Variants in CTDSPL2 observed in about 807,000 individuals in gnomAD.
CTDSPL2 encodes the protein CTD small phosphatase like 2, also known as CTD small phosphatase-like protein 2.
In CTDSPL2, 5 loss-of-function variants were observed where a neutral mutation model predicts 60.0. The observed-to-expected ratio is 0.08, with a 90% CI of 0.04 to 0.18. The LOEUF (loss-of-function observed/expected upper bound fraction) is 0.18, where lower values mean the gene tolerates loss of function less well. CTDSPL2 is among the 10% of genes least tolerant of loss of function. The pLI is 1.00. For missense variants in CTDSPL2, 370 were observed against 548.8 expected, an observed-to-expected ratio of 0.67 and a Z score of 3.26; for synonymous variants, 186 against 189.3, an observed-to-expected ratio of 0.98 and a Z score of 0.14.
At position 44,457,344 on chromosome 15, in the gene CTDSPL2, C is replaced by T. The variant is rs191523152; in HGVS notation, c.-24-1647C>T. Among the ~76,000 whole-genome samples the T allele has an allele frequency of 4.5e-3, 682 of 152,330 alleles. 4 individuals are homozygous for T. Among genetic ancestry groups the T allele is most frequent in the African/African-American group, 0.016 (649 of 41,580 alleles). ...GGATAACTTGCCTCCACTTTTATAT[C>T]AGCACCTGCTGCTTCACCTCACCTT... is the stretch of plus-strand genomic sequence containing the variant. On this transcript the variant is annotated intron_variant, in intron 1 of 12. Coordinates refer to ENST00000260327, the MANE Select transcript of CTDSPL2 (RefSeq NM_016396.3).
chr15:44,436,046 G>A (rs1456106820), intron 1 of CTDSPL2, among the ~76,000 whole-genome samples: 1 of 152,110 alleles, frequency 6.6e-6, no homozygotes, highest in Non-Finnish European at 1.5e-5. Flanking sequence ...TGGAAGTAGT[G>A]GAGAGTAAAG....
intron 2 of CTDSPL2, among the ~76,000 whole-genome samples, chr15:44,475,360 C>T (rs778565860): frequency 1.3e-5 from 2 of 152,036 alleles, no homozygotes; most frequent in Non-Finnish European, 2.9e-5. Flanking sequence ...TTCTTCAGGC[C>T]GGGCGTGGTG....
chr15:44,435,256 C>CAAAA (rs35787192), intron 1 of CTDSPL2, among the ~76,000 whole-genome samples: 2 of 46,038 alleles, frequency 4.3e-5, no homozygotes, highest in Non-Finnish European at 4.8e-5. Flanking sequence ...GACTCCGTCT[C>CAAAA]AAAAAAAAAA....
At chr15:44,476,226 G>A (rs560919579) in intron 2 of CTDSPL2, among the ~76,000 whole-genome samples, 36 of 151,866 alleles carry the variant, frequency 2.4e-4, no homozygotes, top group Middle Eastern at 6.8e-3. Flanking sequence ...CCACCACCAC[G>A]CTGGCTAATT....
chr15:44,481,792 C>T (rs924366839), intron 2 of CTDSPL2, among the ~76,000 whole-genome samples: 3 of 152,152 alleles, frequency 2.0e-5, no homozygotes, highest in Non-Finnish European at 4.4e-5. Flanking sequence ...AGGCTGGTCC[C>T]GAACTCCCAA....
chr15:44,514,742 C>T lies in CTDSPL2; in HGVS notation c.1033-23C>T, dbSNP rs368158721. ...ATATTTAGACCATGTATAATGATTA[C>T]TTCTTTTCCCCTGAATTTATAGATC... On this transcript the variant is annotated intron_variant, in intron 9 of 12. Coordinates refer to ENST00000260327, the MANE Select transcript of CTDSPL2 (RefSeq NM_016396.3). 4 of 1,567,478 alleles carry T rather than the reference C, an allele frequency of 2.6e-6. No homozygotes were observed. The African/African-American group carries it at 5.4e-5, about 21-fold the overall frequency.
intron 1 of CTDSPL2, among the ~76,000 whole-genome samples, chr15:44,439,289 C>T (rs1415621437): frequency 1.3e-5 from 2 of 152,076 alleles, no homozygotes; most frequent in Middle Eastern, 3.4e-3. Context: ...GCTGGGACTA[C>T]AGGCACCCAC....
chr15:44,479,315 T>C (rs1383950135), intron 2 of CTDSPL2, among the ~76,000 whole-genome samples: 1 of 151,992 alleles, frequency 6.6e-6, no homozygotes, highest in African/African-American at 2.4e-5. Context: ...TCTTTATTTC[T>C]GAAATGATTT....
At chr15:44,502,076 C>G in intron 8 of CTDSPL2, 1 of 439,438 alleles carries the variant, frequency 2.3e-6, no homozygotes, top group South Asian at 1.7e-5. Flanking sequence ...TCTTTAACCA[C>G]TGTACTATGA....
rs145508179 is a variant in CTDSPL2 at position 44,463,162 on chromosome 15, G to A, written c.186+3962G>A. 6.6e-5 allele frequency among the ~76,000 whole-genome samples: 10 copies of A among 152,144 alleles called. No homozygotes were observed. In the East Asian group the frequency reaches 1.7e-3, roughly 27 times the overall value. ...TAATGTTGATTGATTGATTGATTGA[G>A]ACGAAATCTTGCTCTGTCGCCCAGG... On this transcript the variant is annotated intron_variant, in intron 2 of 12. Coordinates refer to ENST00000260327, the MANE Select transcript of CTDSPL2 (RefSeq NM_016396.3).
chr15:44,506,412 C>CTTTTTTTTTTTTTTTTTTTT (rs764238056), intron 8 of CTDSPL2, among the ~76,000 whole-genome samples: 14 of 112,390 alleles, frequency 1.2e-4, no homozygotes, highest in East Asian at 9.1e-4. Flanking sequence ...CCTACTTTGA[C>CTTTTTTTTTTTTTTTTTTTT]TTTTTTTTTT....
rs2080045702 is a variant in CTDSPL2 at position 44,439,608 on chromosome 15, A to G, written c.-25+11836A>G. Among the ~76,000 whole-genome samples, 6 of 151,764 alleles carry G rather than the reference A, an allele frequency of 4.0e-5. No homozygotes were observed. In the South Asian group the frequency reaches 1.3e-3, roughly 32 times the overall value. On this transcript the variant is annotated intron_variant, in intron 1 of 12. Transcript: ENST00000260327. The stretch of plus-strand genomic sequence containing the variant: ...TTCTTTGAGTGTCATGTCAGCACTC[A>G]GGTTTCTGGATTATGGAGCATTTCA...
intron 5 of CTDSPL2, among the ~76,000 whole-genome samples, chr15:44,494,783 G>A (rs1380563983): frequency 1.3e-5 from 2 of 151,682 alleles, no homozygotes; most frequent in Non-Finnish European, 2.9e-5. Context: ...GGGCGTGGTA[G>A]CAGGTGCATA....
At chr15:44,456,633 CT>C (rs965360094) in intron 1 of CTDSPL2, among the ~76,000 whole-genome samples, 23 of 152,152 alleles carry the variant, frequency 1.5e-4, no homozygotes, top group African/African-American at 5.5e-4. Flanking sequence ...ATTCTTCTCT[CT>C]TTTCTTATTA....
At chr15:44,450,589 A>ATT (rs36016079) in intron 1 of CTDSPL2, among the ~76,000 whole-genome samples, 1,105 of 88,634 alleles carry the variant, frequency 0.012, 7 homozygotes, top group African/African-American at 0.019. Flanking sequence ...TATATTCTTA[A>ATT]TTTTTTTTTT....
chr15:44,467,022 T>C (rs867321524), intron 2 of CTDSPL2, among the ~76,000 whole-genome samples: 2 of 152,212 alleles, frequency 1.3e-5, no homozygotes, highest in Non-Finnish European at 2.9e-5. Flanking sequence ...TTTATGTTTC[T>C]CAGCATAGCT....
chr15:44,454,551 T>G (rs1038637635), intron 1 of CTDSPL2, among the ~76,000 whole-genome samples: 2 of 152,238 alleles, frequency 1.3e-5, no homozygotes, highest in Non-Finnish European at 1.5e-5. Context: ...AGGGTTTTTA[T>G]GGTTTTAGGT....
At chr15:44,452,119 TATATTGAA>T (rs1360107972) in intron 1 of CTDSPL2, among the ~76,000 whole-genome samples, 3 of 152,228 alleles carry the variant, frequency 2.0e-5, no homozygotes, top group African/African-American at 4.8e-5. Context: ...ATGAGACATT[TATATTGAA>T]ATATTGAAAT....
intron 12 of CTDSPL2, among the ~76,000 whole-genome samples, chr15:44,523,434 A>AAG (rs1300932494): frequency 1.4e-4 from 21 of 147,334 alleles, no homozygotes; most frequent in Admixed American, 5.4e-4. Context: ...ATACATACAT[A>AAG]CATACATACA....
Sources: allele counts gnomAD v4.1 joint callset (sites outside exome capture counted in the v4.1 genomes callset), GRCh38; gene constraint gnomAD v4.1.1; transcripts MANE v1.5; gene names NCBI Gene and HGNC (gene_info 2026-07-23, HGNC 2026-07-21).